AGMO: variants seen among roughly 807,000 people sequenced by gnomAD.
The protein encoded by AGMO is glyceryl-ether monooxygenase.
A neutral mutation model predicts 60.2 loss-of-function variants in AGMO; 75 were observed. The ratio of observed to expected loss-of-function variants is 1.25; its 90% CI spans 1.03 to 1.51. AGMO has a LOEUF of 1.51. Among genes scored for constraint, AGMO ranks in the 40% most tolerant of loss-of-function variants. AGMO has a pLI of 0.00. For synonymous variants in AGMO, 261 were observed against 177.1 expected (o/e 1.47, Z -3.76); for missense variants, 763 against 525.5 (o/e 1.45, Z -4.42).
intron 10 of AGMO, among the ~76,000 whole-genome samples, chr7:15,366,739 G>A (rs1311720624): frequency 6.6e-6 from 1 of 152,014 alleles, no homozygotes; most frequent in Non-Finnish European, 1.5e-5. Flanking sequence ...ATATATACAT[G>A]TCAAAAGCTA....
chr7:15,468,653 G>T (rs536781397), intron 3 of AGMO, among the ~76,000 whole-genome samples: 258 of 151,858 alleles, frequency 1.7e-3, no homozygotes, highest in African/African-American at 6.0e-3. Context: ...ATATGTATTC[G>T]CATATTACAT....
intron 9 of AGMO, among the ~76,000 whole-genome samples, chr7:15,386,885 T>C (rs1255106082): frequency 1.3e-5 from 2 of 152,224 alleles, no homozygotes; most frequent in Admixed American, 1.3e-4. Flanking sequence ...TTTTTATTTT[T>C]GGTTTTCAAT....
chr7:15,140,090 T>C, the AGMO span, among the ~76,000 whole-genome samples: 1 of 151,114 alleles, frequency 6.6e-6, no homozygotes, highest in South Asian at 2.1e-4. Context: ...ATATAAATTA[T>C]AAAAATATAA....
chr7:15,134,313 C>T, the AGMO span, among the ~76,000 whole-genome samples: 1 of 152,056 alleles, frequency 6.6e-6, no homozygotes, highest in African/African-American at 2.4e-5. Flanking sequence ...CAGGTGTGCA[C>T]CATGCACCAC....
intron 12 of AGMO, among the ~76,000 whole-genome samples, chr7:15,320,982 C>T (rs1406354748): frequency 6.6e-6 from 1 of 152,182 alleles, no homozygotes; most frequent in Non-Finnish European, 1.5e-5. Context: ...CTCTCCCTCA[C>T]TCCCAACCAC....
intron 5 of AGMO, among the ~76,000 whole-genome samples, chr7:15,410,866 A>G (rs1288453789): frequency 6.6e-6 from 1 of 151,798 alleles, no homozygotes; most frequent in African/African-American, 2.4e-5. Context: ...TTGAGTTTCA[A>G]GCATTATTTT....
chr7:15,121,771 T>C, the AGMO span, among the ~76,000 whole-genome samples: 1 of 151,930 alleles, frequency 6.6e-6, no homozygotes, highest in Admixed American at 6.6e-5. Flanking sequence ...ACATCTACAA[T>C]GATCTGCTCT....
chr7:15,337,109 C>T lies in AGMO; in HGVS notation c.1263+28405G>A, dbSNP rs565443663. On this transcript the variant is annotated intron_variant, in intron 12 of 12. Coordinates refer to ENST00000342526, the MANE Select transcript of AGMO (RefSeq NM_001004320.2). ...ATCAGGTTAGCAAAATGTCACATCC[C>T]TAAATCCGTGGGATAAGGAGCAAGG... Among the ~76,000 whole-genome samples the T allele has an allele frequency of 2.0e-5, 3 of 152,202 alleles. No individual in the cohort carries two copies. In the South Asian group the frequency reaches 6.2e-4, roughly 32 times the overall value.
intron 12 of AGMO, among the ~76,000 whole-genome samples, chr7:15,226,270 A>C (rs896603270): frequency 8.5e-5 from 13 of 152,098 alleles, no homozygotes; most frequent in Admixed American, 6.6e-4. Flanking sequence ...TATCTAAATC[A>C]GACCAATGCA....
At chr7:15,460,967 T>C (rs1583575875) in intron 3 of AGMO, among the ~76,000 whole-genome samples, 2 of 152,178 alleles carry the variant, frequency 1.3e-5, no homozygotes, top group African/African-American at 4.8e-5. Context: ...GTATGAATTA[T>C]GTTGTAGTAA....
chr7:15,277,128 C>A (rs1783820740), intron 12 of AGMO, among the ~76,000 whole-genome samples: 1 of 151,706 alleles, frequency 6.6e-6, no homozygotes, highest in Non-Finnish European at 1.5e-5. Context: ...GCCAACATGG[C>A]AAAACCCTAT....
intron 12 of AGMO, among the ~76,000 whole-genome samples, chr7:15,294,821 A>C (rs1383538385): frequency 1.3e-5 from 2 of 151,980 alleles, no homozygotes; most frequent in Non-Finnish European, 1.5e-5. Flanking sequence ...TAGGCTGCAT[A>C]TGATAATTTA....
chr7:15,561,687 G>C, intron 1 of AGMO, 33 bp downstream of exon 1: 1 of 1,554,582 alleles, frequency 6.4e-7, no homozygotes, highest in South Asian at 1.2e-5. Context: ...AAAGCAGCAA[G>C]AATAAGAGTA....
intron 12 of AGMO, among the ~76,000 whole-genome samples, chr7:15,278,564 G>T (rs1783865696): frequency 1.3e-5 from 2 of 152,192 alleles, no homozygotes; most frequent in South Asian, 4.1e-4. Flanking sequence ...AGAACTCTCG[G>T]GTGATGGGAG....
chr7:15,540,858 G>T (rs1257394772), intron 3 of AGMO, among the ~76,000 whole-genome samples: 2 of 152,014 alleles, frequency 1.3e-5, no homozygotes, highest in Non-Finnish European at 2.9e-5. Flanking sequence ...TATATATATA[G>T]AAAATGTATA....
intron 12 of AGMO, among the ~76,000 whole-genome samples, chr7:15,256,365 C>T (rs1783097687): frequency 6.6e-6 from 1 of 152,098 alleles, no homozygotes; most frequent in African/African-American, 2.4e-5. Context: ...TTTTTTGAGA[C>T]GGAGTCTCGC....
At chr7:15,153,850 ATTTT>A in the AGMO span, among the ~76,000 whole-genome samples, 22 of 151,536 alleles carry the variant, frequency 1.5e-4, no homozygotes, top group Admixed American at 4.7e-4. Context: ...TGAATGCTAC[ATTTT>A]TTTTCTAGTT....
intron 10 of AGMO, among the ~76,000 whole-genome samples, chr7:15,381,656 C>T (rs1783692134): frequency 6.6e-6 from 1 of 152,176 alleles, no homozygotes; most frequent in Admixed American, 6.6e-5. Context: ...TTCCACCCAG[C>T]AATCCCATTA....
chr7:15,317,859 A>G (rs1244904595), intron 12 of AGMO, among the ~76,000 whole-genome samples: 1 of 150,598 alleles, frequency 6.6e-6, no homozygotes, highest in African/African-American at 2.4e-5. Flanking sequence ...ATATATACAC[A>G]CACACACACG....
Sources: allele counts gnomAD v4.1 joint callset (sites outside exome capture counted in the v4.1 genomes callset), GRCh38; gene constraint gnomAD v4.1.1; transcripts MANE v1.5; gene names NCBI Gene and HGNC (gene_info 2026-07-23, HGNC 2026-07-21).